CREM: variants seen among roughly 807,000 people sequenced by gnomAD.
CREM encodes cAMP responsive element modulator, also known as cAMP-responsive element modulator.
CREM carries 13 observed loss-of-function variants against 37.3 expected under a neutral mutation model. That is an observed-to-expected ratio of 0.35 (90% CI 0.23 to 0.55). The LOEUF (loss-of-function observed/expected upper bound fraction) is 0.55, where lower values mean the gene tolerates loss of function less well. Ranked by LOEUF, CREM falls within the 20% of genes least tolerant of loss-of-function variation. The pLI is 0.88. For synonymous variants in CREM, 124 were observed against 120.2 expected (o/e 1.03, Z -0.21); for missense variants, 296 against 362.3 (o/e 0.82, Z 1.49).
intron 2 of CREM, among the ~76,000 whole-genome samples, chr10:35,140,904 G>A (rs911512442): frequency 6.6e-6 from 1 of 152,206 alleles, no homozygotes; most frequent in African/African-American, 2.4e-5. Flanking sequence ...CAGCGTGTTG[G>A]AAAGAGTAGA....
chr10:35,153,791 A>T (rs2092734281), intron 3 of CREM, among the ~76,000 whole-genome samples: 1 of 152,138 alleles, frequency 6.6e-6, no homozygotes, highest in Non-Finnish European at 1.5e-5. Context: ...AAAAGGGGGG[A>T]AGGAAACTCT....
chr10:35,191,822 G>A (rs113777872), intron 6 of CREM, among the ~76,000 whole-genome samples: 5 of 152,072 alleles, frequency 3.3e-5, no homozygotes, highest in African/African-American at 1.2e-4. Flanking sequence ...TCCCTCCCAC[G>A]CTGGCTTCAG....
chr10:35,194,983 A>C, intron 6 of CREM: 1 of 411,238 alleles, frequency 2.4e-6, no homozygotes, highest in Non-Finnish European at 4.4e-6. Flanking sequence ...CAAGAGCATT[A>C]AGATGGTTTA....
At position 35,179,265 on chromosome 10, in the gene CREM, C is replaced by T. The variant is rs367989798; in HGVS notation, c.398C>T (p.Thr133Met). 22 of 1,613,894 alleles carry T rather than the reference C, an allele frequency of 1.4e-5. No homozygotes were observed. Among genetic ancestry groups the T allele is most frequent in the African/African-American group, 6.7e-5 (5 of 74,922 alleles). ...AVPTSIYQTS[T>M]GQYIAIAQGG... The stretch of plus-strand genomic sequence containing the variant: ...CCAACTAGCATATATCAGACTAGCA[C>T]GGGGCAATACAGTATGTATGCTGCA... The change falls in exon 5 of 8, where the codon ACG becomes ATG. Residue 133 changes from threonine (T) to methionine (M), a missense_variant. This residue lies in a region of CREM where 257 missense variants were observed against 280.2 expected (regional missense o/e 0.92). Transcript: ENST00000685392.
At chr10:35,196,308 C>A (rs1348837529) in intron 6 of CREM, 2 of 527,974 alleles carry the variant, frequency 3.8e-6, no homozygotes, top group Non-Finnish European at 6.7e-6. Context: ...AATTTGTAAT[C>A]GGTAATTTTT....
intron 2 of CREM, among the ~76,000 whole-genome samples, chr10:35,147,041 GTTTTT>G (rs755346866): frequency 5.8e-5 from 7 of 121,008 alleles, no homozygotes; most frequent in African/African-American, 2.2e-4. Context: ...AGTTTTTTGG[GTTTTT>G]TTTTTTTTTT....
chr10:35,190,164 A>G lies in CREM; in HGVS notation c.598+1776A>G, dbSNP rs146778901. ...AAACAACAGAGTTTTGAGAATTTTT[A>G]ATGTTTTACACAATATGCACGTAAG... On this transcript the variant is annotated intron_variant, in intron 6 of 7. Coordinates refer to ENST00000685392, the MANE Select transcript of CREM (RefSeq NM_183011.2). 1.7e-4 allele frequency among the ~76,000 whole-genome samples: 26 copies of G among 152,218 alleles called. 1 individual carries two copies. The highest frequency in any genetic ancestry group is 3.1e-4 in the Non-Finnish European group (21 of 68,034).
At chr10:35,186,450 G>T (rs1210285279) in intron 5 of CREM, among the ~76,000 whole-genome samples, 1 of 151,710 alleles carries the variant, frequency 6.6e-6, no homozygotes, top group East Asian at 1.9e-4. Context: ...CTTGGTAGAG[G>T]TAAATATTGT....
intron 2 of CREM, among the ~76,000 whole-genome samples, chr10:35,145,771 T>C (rs1214008759): frequency 1.3e-5 from 1 of 79,280 alleles, no homozygotes; most frequent in African/African-American, 4.4e-5. Flanking sequence ...AGTGAGACTC[T>C]GCCTCAAAAA....
intron 6 of CREM, 112 bp downstream of exon 6, chr10:35,188,500 T>G: frequency 3.4e-6 from 3 of 875,660 alleles, no homozygotes; most frequent in Non-Finnish European, 4.9e-6. Flanking sequence ...GGTGGGGGGT[T>G]GGGAGGCACT....
At chr10:35,134,733 G>T (rs1008718017) in intron 1 of CREM, among the ~76,000 whole-genome samples, 7 of 152,040 alleles carry the variant, frequency 4.6e-5, no homozygotes, top group African/African-American at 1.7e-4. Flanking sequence ...ATATATTGAA[G>T]GATACCGACA....
Position 35,206,974 on chromosome 10 carries a change from G to A in CREM, c.678G>A (p.Ser226=), listed in dbSNP as rs755325003. ...ALPQGVVMAA[S]PGSLHSPQQL... Reference sequence around the variant, plus strand: ...CACAGGGAGTGGTGATGGCTGCATCGCCCGGAAGTTTGCACAGTCCCCAGC... The same window carrying A: ...CACAGGGAGTGGTGATGGCTGCATCACCCGGAAGTTTGCACAGTCCCCAGC... The change falls in exon 7 of 8, where the codon TCG becomes TCA. Residue 226 remains serine (S), a synonymous_variant. Coordinates refer to ENST00000685392, the MANE Select transcript of CREM (RefSeq NM_183011.2). The A allele has an allele frequency of 1.3e-5, 21 of 1,613,870 alleles. No homozygotes were observed. The African/African-American group carries it at 1.7e-4, about 13-fold the overall frequency.
At chr10:35,171,161 CTTTTTTTTTTTTT>C (rs35404510) in intron 3 of CREM, 2 of 82,686 alleles carry the variant, frequency 2.4e-5, no homozygotes, top group Non-Finnish European at 4.4e-5. Context: ...TTAACCAAGC[CTTTTTTTTTTTTT>C]TTTTTTTTTT....
chr10:35,157,635 C>CAA (rs71523362), intron 3 of CREM, among the ~76,000 whole-genome samples: 45 of 87,042 alleles, frequency 5.2e-4, no homozygotes, highest in African/African-American at 1.7e-3. Context: ...GACCCTGTCT[C>CAA]AAAAAAAAAA....
chr10:35,176,097 A>G (rs756505355), intron 3 of CREM: 21 of 1,436,620 alleles, frequency 1.5e-5, no homozygotes, highest in Middle Eastern at 3.7e-4. Flanking sequence ...TGAAGTGCTT[A>G]TACGCAAATC....
chr10:35,182,108 A>C (rs989988565), intron 5 of CREM, among the ~76,000 whole-genome samples: 1 of 152,244 alleles, frequency 6.6e-6, no homozygotes, highest in Non-Finnish European at 1.5e-5. Flanking sequence ...ATATATGTAG[A>C]TAATTCTTTG....
chr10:35,159,160 G>A (rs1342632596), intron 3 of CREM, among the ~76,000 whole-genome samples: 1 of 151,898 alleles, frequency 6.6e-6, no homozygotes, highest in Non-Finnish European at 1.5e-5. Flanking sequence ...AGTTGTTTGG[G>A]TTGCTTTTAG....
intron 5 of CREM, among the ~76,000 whole-genome samples, chr10:35,180,612 G>T (rs760925127): frequency 2.6e-5 from 4 of 152,318 alleles, no homozygotes; most frequent in Non-Finnish European, 5.9e-5. Context: ...GTTAGGAAAA[G>T]AAAATCCCCA....
intron 3 of CREM, among the ~76,000 whole-genome samples, chr10:35,161,861 A>G (rs920987211): frequency 6.6e-6 from 1 of 152,180 alleles, no homozygotes; most frequent in African/African-American, 2.4e-5. Context: ...GGAAAACAGT[A>G]TGGAGGTTCC....
Sources: gnomAD v4.1 joint callset for allele counts (sites outside exome capture counted in the v4.1 genomes callset) on GRCh38, gnomAD v4.1.1 for gene constraint, gnomAD v4.1.1 regional missense constraint, MANE v1.5 for transcripts, NCBI Gene and HGNC (gene_info 2026-07-23, HGNC 2026-07-21) for gene names.